Variants in TNIK observed in about 807,000 individuals in gnomAD.
The protein encoded by TNIK is TRAF2 and NCK-interacting protein kinase.
Under a neutral mutation model 191.3 loss-of-function variants are expected in TNIK, and 49 were observed. The observed-to-expected ratio is 0.26, with a 90% CI of 0.20 to 0.32. The LOEUF is 0.32. Ranked by LOEUF, TNIK falls within the 10% of genes least tolerant of loss-of-function variation. TNIK has a pLI of 1.00. For synonymous variants in TNIK, 594 were observed against 600.9 expected (o/e 0.99, Z 0.17); for missense variants, 1,155 against 1,702.3 (o/e 0.68, Z 5.66).
At chr3:171,257,938 G>T (rs1747084262) in intron 2 of TNIK, among the ~76,000 whole-genome samples, 1 of 152,162 alleles carries the variant, frequency 6.6e-6, no homozygotes. Context: ...TCTCATTCCT[G>T]AGGTACAAGT....
intron 2 of TNIK, among the ~76,000 whole-genome samples, chr3:171,282,405 G>A (rs1206787477): frequency 2.1e-5 from 3 of 144,898 alleles, no homozygotes; most frequent in East Asian, 4.0e-4. Flanking sequence ...ACAATGGCGC[G>A]ATCTCAGCTC....
intron 1 of TNIK, among the ~76,000 whole-genome samples, chr3:171,374,138 G>C (rs1247675364): frequency 6.6e-6 from 1 of 152,140 alleles, no homozygotes; most frequent in Non-Finnish European, 1.5e-5. Context: ...CAAAAAATGG[G>C]ATCAGAATGT....
intron 2 of TNIK, among the ~76,000 whole-genome samples, chr3:171,360,134 A>T (rs577813620): frequency 2.7e-4 from 41 of 152,266 alleles, no homozygotes; most frequent in Non-Finnish European, 3.8e-4. Context: ...CTAACAGAAA[A>T]TCTCATCCTC....
chr3:171,303,368 C>G (rs1753086542), intron 2 of TNIK, among the ~76,000 whole-genome samples: 1 of 152,154 alleles, frequency 6.6e-6, no homozygotes, highest in African/African-American at 2.4e-5. Context: ...AATTAATAAT[C>G]TATGATATCT....
At chr3:171,419,405 T>C (rs1468259329) in intron 1 of TNIK, among the ~76,000 whole-genome samples, 2 of 152,308 alleles carry the variant, frequency 1.3e-5, no homozygotes, top group South Asian at 2.1e-4. Context: ...GTGACAAAAA[T>C]GTTCTAAAAT....
chr3:171,167,947 C>T lies in TNIK; in HGVS notation c.774-677G>A, dbSNP rs116621173. On this transcript the variant is annotated intron_variant, in intron 9 of 32. Coordinates refer to ENST00000436636, the MANE Select transcript of TNIK (RefSeq NM_015028.4). ...CATATAAGTATATGTGTACCTTTGT[C>T]GTTAACTCAAGGACTTAGACATTTA... Among the ~76,000 whole-genome samples, 181 of 152,262 alleles carry T rather than the reference C, an allele frequency of 1.2e-3. 1 individual carries two copies. The highest frequency in any genetic ancestry group is 4.1e-3 in the African/African-American group (170 of 41,558).
rs60887361 is a variant in TNIK at position 171,365,161 on chromosome 3, C to CTTTTTTT, written c.123+4452_123+4458dup. 7.4e-3 allele frequency among the ~76,000 whole-genome samples: 237 copies of CTTTTTTT among 31,936 alleles called. 56 individuals are homozygous for CTTTTTTT. The highest frequency in any genetic ancestry group is 9.6e-3 in the East Asian group (7 of 730). 21.0% of individuals were successfully genotyped at this position (31,936 alleles called of 152,430 possible). ...AAGGACTACACAAAAGGACTACATT[C>CTTTTTTT]TTTTTTTTTTTTTTTTTTTTTTTTT... On this transcript the variant is annotated intron_variant, in intron 2 of 32. Coordinates refer to ENST00000436636, the MANE Select transcript of TNIK (RefSeq NM_015028.4).
chr3:171,291,968 G>A (rs932585155), intron 2 of TNIK, among the ~76,000 whole-genome samples: 3 of 151,986 alleles, frequency 2.0e-5, no homozygotes, highest in East Asian at 1.9e-4. Flanking sequence ...TTTATCTTCA[G>A]GTTTACTGAA....
At chr3:171,192,199 T>C (rs1467271423) in intron 5 of TNIK, among the ~76,000 whole-genome samples, 2 of 152,246 alleles carry the variant, frequency 1.3e-5, no homozygotes, top group African/African-American at 4.8e-5. Flanking sequence ...CTTTCTTATC[T>C]GTTCAGTTTG....
At chr3:171,434,444 C>CTTATTTATCTATTTAT (rs1560069554) in intron 1 of TNIK, among the ~76,000 whole-genome samples, 2 of 149,240 alleles carry the variant, frequency 1.3e-5, no homozygotes, top group East Asian at 3.9e-4. Context: ...CTCTTTTTTA[C>CTTATTTATCTATTTAT]TTATTTATTT....
At chr3:171,150,488 A>G (rs1732295862) in intron 12 of TNIK, among the ~76,000 whole-genome samples, 1 of 152,200 alleles carries the variant, frequency 6.6e-6, no homozygotes, top group Non-Finnish European at 1.5e-5. Context: ...ACTCAGCACA[A>G]GATCTCTGTT....
intron 1 of TNIK, among the ~76,000 whole-genome samples, chr3:171,456,399 C>A (rs979624988): frequency 2.0e-5 from 3 of 152,232 alleles, no homozygotes; most frequent in Admixed American, 2.0e-4. Flanking sequence ...TGTATACACA[C>A]ATTTTCATAC....
chr3:171,460,130 T>G lies in TNIK; in HGVS notation c.-67A>C. The G allele has an allele frequency of 6.4e-7, 1 of 1,552,156 alleles. No individual in the cohort carries two copies. Among genetic ancestry groups the G allele is most frequent in the East Asian group, 2.4e-5 (1 of 41,332 alleles). ...AGCTTTTCCCTTGGAAATTCCACCT[T>G]GGTCTATTTCACTCGCGTCCTCATG... is the stretch of plus-strand genomic sequence containing the variant. On this transcript the variant is annotated 5_prime_UTR_variant, in exon 1 of 33. Transcript: ENST00000436636. The surrounding 1 kb of genome is among the most constrained non-coding windows in gnomAD (Gnocchi z 6.8).
At chr3:171,453,435 T>C (rs987650891) in intron 1 of TNIK, among the ~76,000 whole-genome samples, 1 of 151,764 alleles carries the variant, frequency 6.6e-6, no homozygotes, top group African/African-American at 2.4e-5. Flanking sequence ...AGAGCATCCA[T>C]GGGGGAATGA....
intron 12 of TNIK, among the ~76,000 whole-genome samples, chr3:171,157,240 C>T (rs1342890780): frequency 1.3e-5 from 2 of 152,174 alleles, no homozygotes; most frequent in Non-Finnish European, 2.9e-5. Context: ...GAAGGGGTGA[C>T]GGCCTTCACC....
chr3:171,347,089 G>C, intron 2 of TNIK: 3 of 1,490,958 alleles, frequency 2.0e-6, no homozygotes, highest in Non-Finnish European at 1.8e-6. Context: ...AAACAGAAGA[G>C]AGAAATCAGG....
chr3:171,346,157 C>T (rs1273563203), intron 2 of TNIK, among the ~76,000 whole-genome samples: 1 of 152,108 alleles, frequency 6.6e-6, no homozygotes, highest in Admixed American at 6.5e-5. Flanking sequence ...GCAGATGAAA[C>T]AGCAGGAAGA....
At chr3:171,323,881 A>G (rs1360785802) in intron 2 of TNIK, among the ~76,000 whole-genome samples, 2 of 152,084 alleles carry the variant, frequency 1.3e-5, no homozygotes, top group African/African-American at 2.4e-5. Context: ...GTTAATGTCA[A>G]ATGGTTAGTG....
intron 23 of TNIK, among the ~76,000 whole-genome samples, chr3:171,090,289 C>T (rs1481124804): frequency 6.6e-6 from 1 of 152,154 alleles, no homozygotes; most frequent in East Asian, 1.9e-4. Flanking sequence ...TGTTCCAGTC[C>T]TTCAAAGAGG....
Sources: gnomAD v4.1 joint callset for allele counts (sites outside exome capture counted in the v4.1 genomes callset) on GRCh38, gnomAD v4.1.1 for gene constraint, Gnocchi (gnomAD v3.1) non-coding constraint, MANE v1.5 for transcripts, NCBI Gene and HGNC (gene_info 2026-07-23, HGNC 2026-07-21) for gene names.